Variants in SDC1 observed in about 807,000 individuals in gnomAD.
SDC1 encodes syndecan 1, also known as syndecan-1.
A neutral mutation model predicts 29.7 loss-of-function variants in SDC1; 14 were observed. The ratio of observed to expected loss-of-function variants is 0.47; its 90% CI spans 0.31 to 0.74. The LOEUF is 0.74. Among genes scored for constraint, SDC1 ranks in the 30% least tolerant of loss-of-function variants. The pLI is 0.05. For synonymous variants in SDC1, 204 were observed against 175.5 expected (o/e 1.16, Z -1.29); for missense variants, 406 against 400.3 (o/e 1.01, Z -0.12).
intron 1 of SDC1, among the ~76,000 whole-genome samples, chr2:20,215,153 C>T (rs979033507): frequency 1.3e-5 from 2 of 152,204 alleles, no homozygotes; most frequent in Non-Finnish European, 2.9e-5. Context: ...CCAGCTTTGT[C>T]GGCATCCATA....
chr2:20,215,348 AACC>A (rs202232804), intron 1 of SDC1, among the ~76,000 whole-genome samples: 567 of 152,280 alleles, frequency 3.7e-3, no homozygotes, highest in African/African-American at 0.013. Flanking sequence ...GTCAGGAGGC[AACC>A]CAGCCCGTAC....
chr2:20,223,424 C>T, intron 1 of SDC1: 1 of 505,932 alleles, frequency 2.0e-6, no homozygotes, highest in Non-Finnish European at 3.4e-6. Context: ...CCCGCCCCTT[C>T]CCTGCCCACG....
intron 1 of SDC1, among the ~76,000 whole-genome samples, chr2:20,218,126 T>A (rs1358370642): frequency 6.6e-6 from 1 of 152,182 alleles, no homozygotes; most frequent in African/African-American, 2.4e-5. Context: ...TCTGTAACCA[T>A]GTGGCTCTCA....
At position 20,204,105 on chromosome 2, in the gene SDC1, G is replaced by A; in HGVS notation, c.335C>T (p.Pro112Leu). The change falls in exon 3 of 5, where the codon CCT becomes CTT. Residue 112 changes from proline (P) to leucine (L), a missense_variant. Coordinates refer to ENST00000254351, the MANE Select transcript of SDC1 (RefSeq NM_002997.5). ...GEAVVLPEVE[P>L]GLTAREQEAT... ...CTCCTGCTCCCGGGCGGTGAGGCCA[G>A]GCTCCACTTCTGGCAGGACTACAGC... The A allele has an allele frequency of 6.2e-7, 1 of 1,608,180 alleles. No individual in the cohort carries two copies.
At chr2:20,217,027 C>T (rs1460895725) in intron 1 of SDC1, among the ~76,000 whole-genome samples, 2 of 152,220 alleles carry the variant, frequency 1.3e-5, no homozygotes, top group African/African-American at 4.8e-5. Flanking sequence ...TAGAGCAGGA[C>T]TGGCAGCCTT....
Position 20,202,931 on chromosome 2 carries a change from G to T in SDC1, c.768C>A (p.Val256=). Residue 256 remains valine (V), a synonymous_variant, in exon 5 of 5, where the codon GTC becomes GTA. Coordinates refer to ENST00000254351, the MANE Select transcript of SDC1 (RefSeq NM_002997.5). ...TGAGCCCCACGAGGCCTCCGGCAAT[G>T]ACCCCTAGGGCAGGTAGACGGGGCC... is the stretch of plus-strand genomic sequence containing the variant. ...LLDRKEVLGG[V]IAGGLVGLIF... 6.2e-7 allele frequency: 1 copy of T among 1,610,322 alleles called. No homozygotes were observed. Among genetic ancestry groups the T allele is most frequent in the South Asian group, 1.1e-5 (1 of 90,488 alleles).
chr2:20,213,257 A>T (rs1304455198), intron 1 of SDC1, among the ~76,000 whole-genome samples: 1 of 152,178 alleles, frequency 6.6e-6, no homozygotes, highest in Non-Finnish European at 1.5e-5. Context: ...GAGCTGGAAG[A>T]CCAGTTCCTC....
chr2:20,213,533 C>T (rs938023371), intron 1 of SDC1, among the ~76,000 whole-genome samples: 9 of 152,312 alleles, frequency 5.9e-5, no homozygotes, highest in African/African-American at 1.9e-4. Flanking sequence ...CAGAGATATC[C>T]TAAATCAAGG....
chr2:20,200,924 T>G lies in SDC1; in HGVS notation c.*1842A>C, dbSNP rs933036222. 2.0e-5 allele frequency: 3 copies of G among 152,276 alleles called. No individual in the cohort carries two copies. The highest frequency in any genetic ancestry group is 7.2e-5 in the African/African-American group (3 of 41,444). 9.4% of individuals were successfully genotyped at this position (152,276 alleles called of 1,614,324 possible). A position where few individuals can be genotyped will look rare whatever the true frequency, so the allele number is the denominator to read the frequency against. ...CCCCTTTCCCCACCCCCGAGTCATGTGCAGTCATACACTCCAGGCAGAAAG... is the reference window on the plus strand; with the variant it reads ...CCCCTTTCCCCACCCCCGAGTCATGGGCAGTCATACACTCCAGGCAGAAAG... On this transcript the variant is annotated 3_prime_UTR_variant, in exon 5 of 5. Coordinates refer to ENST00000254351, the MANE Select transcript of SDC1 (RefSeq NM_002997.5).
Position 20,225,039 on chromosome 2 carries a change from T to C in SDC1, c.-172A>G. 2.5e-6 allele frequency: 2 copies of C among 789,814 alleles called. No homozygotes were observed. Among genetic ancestry groups the C allele is most frequent in the Non-Finnish European group, 3.3e-6 (2 of 602,794 alleles). The allele number at this position is 789,814 out of a possible 1,614,324, so 48.9% of individuals were successfully genotyped here. ...AGTCCGCTCTCTACTGCCGGATTCC[T>C]CTCCGCTCGGCTCGGATTCGGCCCG... On this transcript the variant is annotated 5_prime_UTR_variant, in exon 1 of 5. Transcript: ENST00000254351.
chr2:20,222,666 C>G lies in SDC1; in HGVS notation c.66+2136G>C, dbSNP rs908263215. Among the ~76,000 whole-genome samples, 4 of 152,260 alleles carry G rather than the reference C, an allele frequency of 2.6e-5. 1 individual carries two copies. In the Middle Eastern group the frequency reaches 0.01, roughly 388 times the overall value. ...CCTCCTGGGCCCTATGTCCAAGTTT[C>G]TGGGCAAGAAATAATGCCTCACACT... On this transcript the variant is annotated intron_variant, in intron 1 of 4. Transcript: ENST00000254351.
At chr2:20,218,167 C>A (rs765205097) in intron 1 of SDC1, among the ~76,000 whole-genome samples, 1 of 152,162 alleles carries the variant, frequency 6.6e-6, no homozygotes, top group Non-Finnish European at 1.5e-5. Flanking sequence ...GACCCTTTGG[C>A]AGAGGAGGAA....
intron 1 of SDC1, among the ~76,000 whole-genome samples, chr2:20,216,340 C>T (rs938701796): frequency 5.9e-5 from 9 of 152,176 alleles, no homozygotes; most frequent in African/African-American, 2.2e-4. Context: ...GAGGTCTTGC[C>T]GCCCGGACCC....
intron 1 of SDC1, among the ~76,000 whole-genome samples, chr2:20,221,996 A>G (rs1318839336): frequency 1.3e-5 from 2 of 152,230 alleles, no homozygotes; most frequent in Admixed American, 1.3e-4. Context: ...TATGCCTTTC[A>G]AGAAAGAGAA....
intron 2 of SDC1, 48 bp downstream of exon 2, chr2:20,205,295 A>G (rs924926759): frequency 2.1e-6 from 3 of 1,415,236 alleles, no homozygotes; most frequent in African/African-American, 1.4e-5. Context: ...GCCCACAGGC[A>G]TGACCTGTTG....
At position 20,202,104 on chromosome 2, in the gene SDC1, A is replaced by G; in HGVS notation, c.*662T>C. The G allele has an allele frequency of 1.8e-6, 1 of 545,328 alleles. No homozygotes were observed. The highest frequency in any genetic ancestry group is 2.5e-5 in the South Asian group (1 of 39,460). 33.8% of individuals were successfully genotyped at this position (545,328 alleles called of 1,614,324 possible). ...GATTTGGTTCTCCTAGTTTAAAAAA[A>G]AAAAAAAAAAGTCTTCTTAACCCTG... is the stretch of plus-strand genomic sequence containing the variant. On this transcript the variant is annotated 3_prime_UTR_variant, in exon 5 of 5. Transcript: ENST00000254351.
chr2:20,213,178 G>T (rs923981633), intron 1 of SDC1, among the ~76,000 whole-genome samples: 1 of 152,222 alleles, frequency 6.6e-6, no homozygotes. Flanking sequence ...GCTGGCGCCT[G>T]CCTCAGCAGC....
At chr2:20,203,367 G>A in intron 3 of SDC1, 145 bp from the exon 4 acceptor site, 2 of 918,820 alleles carry the variant, frequency 2.2e-6, no homozygotes, top group Non-Finnish European at 3.1e-6. Context: ...ATCGCACAGG[G>A]CCCGAAAGCC....
chr2:20,209,503 G>A (rs889891966), intron 1 of SDC1, among the ~76,000 whole-genome samples: 5 of 152,216 alleles, frequency 3.3e-5, no homozygotes, highest in Non-Finnish European at 5.9e-5. Context: ...CAGTGGTGAC[G>A]CTACCCAGGG....
Sources: gnomAD v4.1 joint callset for allele counts (sites outside exome capture counted in the v4.1 genomes callset) on GRCh38, gnomAD v4.1.1 for gene constraint, MANE v1.5 for transcripts, NCBI Gene and HGNC (gene_info 2026-07-23, HGNC 2026-07-21) for gene names.